Variants in ZNF503 observed in about 807,000 individuals in gnomAD.
ZNF503 encodes the protein NocA-like zinc finger 2.
Under a neutral mutation model 34.4 loss-of-function variants are expected in ZNF503, and 15 were observed. The ratio of observed to expected loss-of-function variants is 0.44; its 90% CI spans 0.29 to 0.67. ZNF503 has a LOEUF of 0.67. Among genes scored for constraint, ZNF503 ranks in the 30% least tolerant of loss-of-function variants. ZNF503 has a pLI of 0.13. For synonymous variants in ZNF503, 580 were observed against 456.8 expected (o/e 1.27, Z -3.44); for missense variants, 1,007 against 926.8 (o/e 1.09, Z -1.12).
the ZNF503 span, among the ~76,000 whole-genome samples, chr10:75,321,041 G>A: frequency 2.0e-5 from 3 of 152,104 alleles, no homozygotes; most frequent in Non-Finnish European, 4.4e-5. Context: ...AGTTTCTCAC[G>A]AATGGTTTAG....
the ZNF503 span, among the ~76,000 whole-genome samples, chr10:75,320,936 G>C: frequency 6.6e-6 from 1 of 152,098 alleles, no homozygotes; most frequent in Non-Finnish European, 1.5e-5. Flanking sequence ...TTAGGTAAAG[G>C]GTACTGACAT....
chr10:75,331,841 G>C, the ZNF503 span, among the ~76,000 whole-genome samples: 1 of 152,068 alleles, frequency 6.6e-6, no homozygotes, highest in Non-Finnish European at 1.5e-5. Flanking sequence ...TGATATAGCA[G>C]GTGCTCCAGT....
the ZNF503 span, among the ~76,000 whole-genome samples, chr10:75,349,887 G>C: frequency 6.6e-6 from 1 of 152,230 alleles, no homozygotes; most frequent in Non-Finnish European, 1.5e-5. Context: ...TGTCACCAGA[G>C]TCACCCAGAA....
the ZNF503 span, among the ~76,000 whole-genome samples, chr10:75,359,699 G>A: frequency 5.9e-5 from 9 of 152,338 alleles, 1 homozygote; most frequent in African/African-American, 1.9e-4. Context: ...GGGCAGGTTA[G>A]TCCCCAGCCA....
the ZNF503 span, among the ~76,000 whole-genome samples, chr10:75,325,579 T>C: frequency 6.6e-6 from 1 of 152,326 alleles, no homozygotes; most frequent in Admixed American, 6.5e-5. Flanking sequence ...CTTTTTGAAA[T>C]TGTTTTGGCT....
the ZNF503 span, among the ~76,000 whole-genome samples, chr10:75,353,859 G>C: frequency 6.6e-6 from 1 of 152,202 alleles, no homozygotes; most frequent in Non-Finnish European, 1.5e-5. Flanking sequence ...CCTCAGTGGA[G>C]AATAAATAAG....
At chr10:75,370,131 G>A in the ZNF503 span, among the ~76,000 whole-genome samples, 1 of 151,942 alleles carries the variant, frequency 6.6e-6, no homozygotes, top group Non-Finnish European at 1.5e-5. Flanking sequence ...GGAGGTTAGA[G>A]TACAACAGAC....
At chr10:75,342,410 G>C in the ZNF503 span, among the ~76,000 whole-genome samples, 1 of 152,062 alleles carries the variant, frequency 6.6e-6, no homozygotes, top group African/African-American at 2.4e-5. Context: ...AGAGAAGCAG[G>C]ACTGTGCAGA....
In ZNF503 at chr10:75,401,328, G is replaced by A. The variant is rs1843809597; in HGVS notation, c.92C>T (p.Ala31Val). ...GGGGGGGADP[A>V]WTSALSGNSS... Reference sequence around the variant, plus strand: ...ATTTCCAGAGAGCGCGCTGGTCCAGGCAGGGTCTGCACCGCCGCCTCCGCC... The same window carrying A: ...ATTTCCAGAGAGCGCGCTGGTCCAGACAGGGTCTGCACCGCCGCCTCCGCC... Residue 31 changes from alanine to valine, a missense_variant, in exon 1 of 2, where the codon GCC becomes GTC. Coordinates refer to ENST00000372524, the MANE Select transcript of ZNF503 (RefSeq NM_032772.6). 2 of 1,473,460 alleles carry A rather than the reference G, an allele frequency of 1.4e-6. No homozygotes were observed. The highest frequency in any genetic ancestry group is 1.4e-5 in the African/African-American group (1 of 71,936). 91.3% of individuals were successfully genotyped at this position (1,473,460 alleles called of 1,614,324 possible). A position where few individuals can be genotyped will look rare whatever the true frequency, so the allele number is the denominator to read the frequency against.
chr10:75,306,161 A>G, the ZNF503 span, among the ~76,000 whole-genome samples: 3 of 152,180 alleles, frequency 2.0e-5, no homozygotes, highest in African/African-American at 7.2e-5. Flanking sequence ...CCAACAGTGC[A>G]CAAGGGTTTC....
the ZNF503 span, among the ~76,000 whole-genome samples, chr10:75,345,895 G>A: frequency 6.6e-6 from 1 of 152,198 alleles, no homozygotes; most frequent in East Asian, 1.9e-4. Context: ...GCGCACGGTA[G>A]GGCTCCACTA....
At chr10:75,377,147 C>G in the ZNF503 span, among the ~76,000 whole-genome samples, 3 of 152,298 alleles carry the variant, frequency 2.0e-5, no homozygotes, top group East Asian at 5.8e-4. Flanking sequence ...GCCCTCAGGA[C>G]GTTGTGACTC....
the ZNF503 span, among the ~76,000 whole-genome samples, chr10:75,303,733 A>T: frequency 6.6e-6 from 1 of 152,100 alleles, no homozygotes; most frequent in African/African-American, 2.4e-5. Context: ...AGAGGGTGAG[A>T]ATGTTACGGT....
At chr10:75,305,998 A>C in the ZNF503 span, among the ~76,000 whole-genome samples, 4 of 152,190 alleles carry the variant, frequency 2.6e-5, no homozygotes, top group African/African-American at 9.6e-5. Context: ...GTTGCTATTA[A>C]TATGGGTGTA....
rs1254717880 is a variant in ZNF503 at position 75,399,082 on chromosome 10, C to T, written c.1608G>A (p.Leu536=). The change falls in exon 2 of 2, where the codon CTG becomes CTA. Residue 536 remains leucine, a synonymous_variant. Coordinates refer to ENST00000372524, the MANE Select transcript of ZNF503 (RefSeq NM_032772.6). The part of the protein sequence containing the change: ...DKRFATSEEL[L]SHLRTHTAFP... ...ATGCCGTATGGGTCCGCAAGTGGCT[C>T]AGCAGCTCTTCGGACGTGGCGAAGC... is the stretch of plus-strand genomic sequence containing the variant. 1 of 1,613,696 alleles carries T rather than the reference C, an allele frequency of 6.2e-7. No individual in the cohort carries two copies. The highest frequency in any genetic ancestry group is 2.2e-5 in the East Asian group (1 of 44,858).
the ZNF503 span, among the ~76,000 whole-genome samples, chr10:75,365,935 C>G: frequency 6.6e-6 from 1 of 152,178 alleles, no homozygotes. Context: ...GGCAGGCATG[C>G]GTGCCTCTCG....
the ZNF503 span, among the ~76,000 whole-genome samples, chr10:75,326,848 T>C: frequency 6.6e-6 from 1 of 152,024 alleles, no homozygotes; most frequent in Admixed American, 6.6e-5. Context: ...TTTTTATTTA[T>C]TTATTTTTAT....
chr10:75,294,167 T>C, the ZNF503 span, among the ~76,000 whole-genome samples: 1 of 152,238 alleles, frequency 6.6e-6, no homozygotes, highest in South Asian at 2.1e-4. Flanking sequence ...ACATGCCTTA[T>C]CTGGGCAGAT....
the ZNF503 span, among the ~76,000 whole-genome samples, chr10:75,362,343 G>A: frequency 2.0e-5 from 3 of 152,032 alleles, no homozygotes; most frequent in South Asian, 2.1e-4. Context: ...AAAGGGGGGC[G>A]GTACTTGGGG....
Sources: gnomAD v4.1 joint callset for allele counts (sites outside exome capture counted in the v4.1 genomes callset) on GRCh38, gnomAD v4.1.1 for gene constraint, MANE v1.5 for transcripts, NCBI Gene and HGNC (gene_info 2026-07-23, HGNC 2026-07-21) for gene names.